The following OPCML variants were observed in gnomAD, a reference collection of about 807,000 sequenced individuals.
The protein encoded by OPCML is opioid-binding protein/cell adhesion molecule.
In OPCML, 13 loss-of-function variants were observed where a neutral mutation model predicts 37.8. The observed-to-expected ratio is 0.34, with a 90% confidence interval of 0.22 to 0.55. OPCML has a LOEUF of 0.55. Among genes scored for constraint, OPCML ranks in the 20% least tolerant of loss-of-function variants. OPCML has a pLI of 0.91. For synonymous variants in OPCML, 176 were observed against 168.8 expected, an observed-to-expected ratio of 1.04 and a Z score of -0.33; for missense variants, 341 against 435.6, an observed-to-expected ratio of 0.78 and a Z score of 1.93.
chr11:133,517,069 A>T (rs1365281877), intron 1 of OPCML, among the ~76,000 whole-genome samples: 1 of 152,182 alleles, frequency 6.6e-6, no homozygotes, highest in Non-Finnish European at 1.5e-5. Context: ...CTTGCCAAGA[A>T]TGATTTGACA....
intron 2 of OPCML, among the ~76,000 whole-genome samples, chr11:132,763,827 G>A (rs1003063652): frequency 3.6e-4 from 55 of 152,284 alleles, no homozygotes; most frequent in African/African-American, 1.3e-3. Flanking sequence ...TCTCTCACTG[G>A]CTCCTGCTGA....
intron 3 of OPCML, among the ~76,000 whole-genome samples, chr11:132,627,331 C>T (rs1257566730): frequency 1.3e-5 from 2 of 152,148 alleles, no homozygotes; most frequent in African/African-American, 2.4e-5. Context: ...TTGCAGCCAT[C>T]TTTACATCAG....
In OPCML at chr11:132,897,882, C is replaced by T. The variant is rs550920131; in HGVS notation, c.146+45044G>A. ...GATATGTGGATAGATCTCTCTGAGT[C>T]GGCAAAGGATGTGAAGTTATTTGTT... On this transcript the variant is annotated intron_variant, in intron 2 of 7. Transcript: ENST00000524381. Among the ~76,000 whole-genome samples, 91 of 152,224 alleles carry T rather than the reference C, an allele frequency of 6.0e-4. 1 individual carries two copies. Among genetic ancestry groups the T allele is most frequent in the Non-Finnish European group, 6.6e-4 (45 of 68,000 alleles).
At chr11:132,863,189 C>T (rs1174341712) in intron 2 of OPCML, among the ~76,000 whole-genome samples, 1 of 152,084 alleles carries the variant, frequency 6.6e-6, no homozygotes, top group Non-Finnish European at 1.5e-5. Flanking sequence ...GTGGCTCGGC[C>T]GAGGATGTGT....
At chr11:132,910,461 C>G (rs1333558660) in intron 2 of OPCML, among the ~76,000 whole-genome samples, 1 of 152,232 alleles carries the variant, frequency 6.6e-6, no homozygotes, top group Non-Finnish European at 1.5e-5. Flanking sequence ...CAGAATAAAA[C>G]TTGGAAATTC....
At chr11:133,422,983 A>T (rs992121030) in intron 1 of OPCML, 1 of 985,304 alleles carries the variant, frequency 1.0e-6, no homozygotes, top group Non-Finnish European at 1.2e-6. Flanking sequence ...GACAGTGTGT[A>T]CAAAGTGCCT....
intron 1 of OPCML, among the ~76,000 whole-genome samples, chr11:133,131,977 G>A (rs1168090562): frequency 6.6e-6 from 1 of 152,074 alleles, no homozygotes; most frequent in African/African-American, 2.4e-5. Context: ...ATGGATTATG[G>A]ACCTATATGT....
chr11:132,757,231 T>C (rs1946085616), intron 2 of OPCML, among the ~76,000 whole-genome samples: 1 of 152,244 alleles, frequency 6.6e-6, no homozygotes, highest in Admixed American at 6.5e-5. Flanking sequence ...TCCAACTCTT[T>C]GCTATTGTGA....
intron 2 of OPCML, among the ~76,000 whole-genome samples, chr11:132,862,650 G>C (rs1942355104): frequency 6.6e-6 from 1 of 152,116 alleles, no homozygotes; most frequent in Non-Finnish European, 1.5e-5. Flanking sequence ...GAAAGATGGT[G>C]GGCTGGGGAG....
At chr11:133,424,135 C>A (rs1161623287) in intron 1 of OPCML, among the ~76,000 whole-genome samples, 1 of 152,168 alleles carries the variant, frequency 6.6e-6, no homozygotes, top group East Asian at 1.9e-4. Flanking sequence ...TTATAACCTG[C>A]TAATCCTTAT....
At chr11:132,727,435 C>G (rs2135998326) in intron 2 of OPCML, among the ~76,000 whole-genome samples, 1 of 152,314 alleles carries the variant, frequency 6.6e-6, no homozygotes, top group South Asian at 2.1e-4. Flanking sequence ...TCTGTGCCAG[C>G]CAGGGCTCTC....
intron 3 of OPCML, among the ~76,000 whole-genome samples, chr11:132,619,744 C>G (rs536961938): frequency 1.2e-4 from 18 of 149,344 alleles, no homozygotes; most frequent in Middle Eastern, 3.5e-3. Flanking sequence ...CCCAGCTACT[C>G]GAGAGGCTGA....
intron 1 of OPCML, among the ~76,000 whole-genome samples, chr11:133,315,055 C>A (rs1197252038): frequency 6.6e-6 from 1 of 152,066 alleles, no homozygotes; most frequent in Non-Finnish European, 1.5e-5. Context: ...TAAAACCTAA[C>A]TAAATAAGGT....
intron 3 of OPCML, among the ~76,000 whole-genome samples, chr11:132,610,997 G>C (rs951948182): frequency 6.6e-6 from 1 of 152,044 alleles, no homozygotes; most frequent in African/African-American, 2.4e-5. Context: ...TCATTCCTGG[G>C]ACTCGAGATT....
chr11:133,239,034 G>A lies in OPCML; in HGVS notation c.61+293230C>T, dbSNP rs144013056. Among the ~76,000 whole-genome samples the A allele has an allele frequency of 1.7e-3, 256 of 152,276 alleles. 5 individuals carry two copies. Among genetic ancestry groups the A allele is most frequent in the Middle Eastern group, 0.01 (3 of 294 alleles). ...ACAGAGTAGCAACCGGTGAAAATGG[G>A]GAGTGAAGCTCTCCTTCATCCCAGC... On this transcript the variant is annotated intron_variant, in intron 1 of 7. Transcript: ENST00000524381.
Position 132,563,158 on chromosome 11 carries a change from C to T in OPCML, c.380-33972G>A, listed in dbSNP as rs186296896. ...TATTAATTTAAGCCATCGTTAACAC[C>T]CCTGAGATATATGTTATTACCCTCA... On this transcript the variant is annotated intron_variant, in intron 3 of 7. Coordinates refer to ENST00000524381, the MANE Select transcript of OPCML (RefSeq NM_001012393.5). Among the ~76,000 whole-genome samples, 259 of 152,126 alleles carry T rather than the reference C, an allele frequency of 1.7e-3. 4 individuals are homozygous for T. The South Asian group carries it at 0.025, about 15-fold the overall frequency.
At chr11:132,425,469 A>C (rs1375924098) in intron 7 of OPCML, among the ~76,000 whole-genome samples, 2 of 152,228 alleles carry the variant, frequency 1.3e-5, no homozygotes, top group Admixed American at 1.3e-4. Flanking sequence ...ACTCTGAAAC[A>C]GTTTATTTTA....
intron 1 of OPCML, among the ~76,000 whole-genome samples, chr11:133,107,857 A>G (rs556675693): frequency 6.6e-6 from 1 of 152,226 alleles, no homozygotes; most frequent in African/African-American, 2.4e-5. Flanking sequence ...TTTATTTTTT[A>G]TTTCTGATTC....
intron 1 of OPCML, among the ~76,000 whole-genome samples, chr11:133,404,930 T>C (rs894285870): frequency 6.6e-6 from 1 of 152,230 alleles, no homozygotes; most frequent in Non-Finnish European, 1.5e-5. Flanking sequence ...GTAGAAATTA[T>C]GGGAATCATA....
Sources: allele counts gnomAD v4.1 joint callset (sites outside exome capture counted in the v4.1 genomes callset), GRCh38; gene constraint gnomAD v4.1.1; transcripts MANE v1.5; gene names NCBI Gene and HGNC (gene_info 2026-07-23, HGNC 2026-07-21).